Variants in E2F3 observed in about 807,000 individuals in gnomAD.
E2F3 encodes transcription factor E2F3.
E2F3 carries 11 observed loss-of-function variants against 44.4 expected under a neutral mutation model. That is an observed-to-expected ratio of 0.25 (90% CI 0.16 to 0.41). E2F3 has a LOEUF of 0.41. E2F3 is among the 10% of genes least tolerant of loss of function. E2F3 has a pLI of 1.00. For missense variants in E2F3, 487 were observed against 583.6 expected, an observed-to-expected ratio of 0.83 and a Z score of 1.70; for synonymous variants, 249 against 253.0, an observed-to-expected ratio of 0.98 and a Z score of 0.15.
At chr6:20,427,990 C>T (rs979741819) in intron 1 of E2F3, among the ~76,000 whole-genome samples, 10 of 152,098 alleles carry the variant, frequency 6.6e-5, no homozygotes, top group Middle Eastern at 3.2e-3. Context: ...TCTCCTGCAA[C>T]GATTCAGTGA....
At chr6:20,470,991 A>G (rs1267402128) in intron 1 of E2F3, among the ~76,000 whole-genome samples, 1 of 152,232 alleles carries the variant, frequency 6.6e-6, no homozygotes, top group Non-Finnish European at 1.5e-5. Context: ...TTGTTATGCA[A>G]GTAACCCACG....
At chr6:20,419,554 T>TTTAC (rs35232215) in intron 1 of E2F3, among the ~76,000 whole-genome samples, 57 of 137,988 alleles carry the variant, frequency 4.1e-4, no homozygotes, top group East Asian at 5.9e-4. Flanking sequence ...TATTTATTTA[T>TTTAC]TTACTTACTT....
intron 1 of E2F3, among the ~76,000 whole-genome samples, chr6:20,437,337 C>T (rs1760621190): frequency 6.6e-6 from 1 of 152,142 alleles, no homozygotes; most frequent in Non-Finnish European, 1.5e-5. Flanking sequence ...GGCTATTATT[C>T]TGGTTTCCAA....
rs745516477 is a variant in E2F3, at chr6:20,490,117, C to T, written c.1136-51C>T. 2 of 1,513,960 alleles carry T rather than the reference C, an allele frequency of 1.3e-6. No individual in the cohort carries two copies. Among genetic ancestry groups the T allele is most frequent in the Non-Finnish European group, 1.8e-6 (2 of 1,127,174 alleles). 93.8% of individuals were successfully genotyped at this position (1,513,960 alleles called of 1,614,324 possible). A position where few individuals can be genotyped will look rare whatever the true frequency, so the allele number is the denominator to read the frequency against. On this transcript the variant is annotated intron_variant, in intron 6 of 6. Transcript: ENST00000346618. The surrounding 1 kb of genome is among the most constrained non-coding windows in gnomAD (Gnocchi z 4.3). ...ACATATACATTCTTCCAGAAAAATT[C>T]ATTTGATTTTTCTAACTTATTTTTT... is the stretch of plus-strand genomic sequence containing the variant.
At chr6:20,430,512 A>G (rs1217709019) in intron 1 of E2F3, among the ~76,000 whole-genome samples, 2 of 152,236 alleles carry the variant, frequency 1.3e-5, no homozygotes, top group Admixed American at 1.3e-4. Flanking sequence ...CCATAAGCAC[A>G]TTTATTGGTC....
At chr6:20,454,856 G>C (rs922370846) in intron 1 of E2F3, among the ~76,000 whole-genome samples, 11 of 152,160 alleles carry the variant, frequency 7.2e-5, no homozygotes, top group African/African-American at 2.2e-4. Flanking sequence ...CCAGGGTTCA[G>C]CTCAGAGCAG....
Position 20,479,901 on chromosome 6 carries a change from T to C in E2F3, c.449T>C (p.Leu150Ser), listed in dbSNP as rs753899220. The change falls in exon 2 of 7, where the codon TTA (leucine) becomes TCA (serine). Residue 150 changes from leucine (L) to serine (S), a missense_variant. Physicochemically the swap from Leu to Ser is moderately radical, Grantham distance 145. Coordinates refer to ENST00000346618, the MANE Select transcript of E2F3 (RefSeq NM_001949.5). ...GGTCATCAGTACCTCTCAGATGGTTTAAAAACCCCCAAGGGCAAAGGAAGA... is the reference window on the plus strand; with the variant it reads ...GGTCATCAGTACCTCTCAGATGGTTCAAAAACCCCCAAGGGCAAAGGAAGA... ...ESGHQYLSDG[L>S]KTPKGKGRAA... 5 of 1,613,022 alleles carry C rather than the reference T, an allele frequency of 3.1e-6. No individual in the cohort carries two copies. Among genetic ancestry groups the C allele is most frequent in the Non-Finnish European group, 4.2e-6 (5 of 1,179,582 alleles).
intron 1 of E2F3, among the ~76,000 whole-genome samples, chr6:20,441,731 T>C (rs1457352934): frequency 1.3e-5 from 2 of 150,412 alleles, no homozygotes; most frequent in Non-Finnish European, 3.0e-5. Flanking sequence ...GGTAATTTTT[T>C]TTTTTTTTTT....
intron 1 of E2F3, among the ~76,000 whole-genome samples, chr6:20,431,834 C>T (rs142244442): frequency 7.3e-4 from 111 of 152,354 alleles, no homozygotes; most frequent in African/African-American, 2.5e-3. Flanking sequence ...GAAAGTACCA[C>T]AGACTGGGTG....
At chr6:20,437,533 G>A (rs1371347135) in intron 1 of E2F3, among the ~76,000 whole-genome samples, 1 of 151,462 alleles carries the variant, frequency 6.6e-6, no homozygotes, top group African/African-American at 2.4e-5. Context: ...ATATTAAAAT[G>A]TAGTGAATAT....
intron 1 of E2F3, among the ~76,000 whole-genome samples, chr6:20,464,788 C>G (rs1289704369): frequency 1.3e-5 from 2 of 152,116 alleles, no homozygotes; most frequent in Non-Finnish European, 2.9e-5. Flanking sequence ...TCAAATATAC[C>G]ACCTCTCTCT....
intron 4 of E2F3, 53 bp from the exon 5 acceptor site, chr6:20,486,636 C>T: frequency 1.0e-6 from 1 of 991,936 alleles, no homozygotes; most frequent in Non-Finnish European, 1.6e-6. Context: ...TTGTCATTTT[C>T]ATCATACTTA....
At chr6:20,481,548 TTC>T in intron 3 of E2F3, 123 bp downstream of exon 3, 1 of 785,040 alleles carries the variant, frequency 1.3e-6, no homozygotes, top group Non-Finnish European at 2.0e-6. Flanking sequence ...TACTGTTTTC[TTC>T]TCTCTCATTC....
intron 1 of E2F3, among the ~76,000 whole-genome samples, chr6:20,422,814 T>G (rs532092651): frequency 8.5e-5 from 13 of 152,296 alleles, no homozygotes; most frequent in Non-Finnish European, 1.9e-4. Context: ...TTTAGTGACA[T>G]TAGTAATTGC....
At chr6:20,439,703 T>A (rs1290378312) in intron 1 of E2F3, among the ~76,000 whole-genome samples, 3 of 152,140 alleles carry the variant, frequency 2.0e-5, no homozygotes, top group South Asian at 2.1e-4. Context: ...GCTAATTTTT[T>A]AAATTTCTTT....
chr6:20,410,238 G>A (rs1395721998), intron 1 of E2F3, among the ~76,000 whole-genome samples: 1 of 152,118 alleles, frequency 6.6e-6, no homozygotes, highest in Admixed American at 6.5e-5. Context: ...TTCTGCATCT[G>A]GCAGTCCCTT....
chr6:20,481,059 C>A, intron 2 of E2F3, 147 bp from the exon 3 acceptor site: 1 of 716,956 alleles, frequency 1.4e-6, no homozygotes, highest in Non-Finnish European at 2.3e-6. Context: ...CTATGACTTG[C>A]CAACACCAAC....
chr6:20,487,518 A>G (rs1762429292), intron 5 of E2F3, among the ~76,000 whole-genome samples: 1 of 152,216 alleles, frequency 6.6e-6, no homozygotes, highest in Admixed American at 6.5e-5. Flanking sequence ...TCATCAGTAT[A>G]CAGTTCAACA....
At chr6:20,439,599 A>G (rs1470811522) in intron 1 of E2F3, among the ~76,000 whole-genome samples, 2 of 152,172 alleles carry the variant, frequency 1.3e-5, no homozygotes, top group South Asian at 2.1e-4. Context: ...TGGCGTGATC[A>G]TAGCTCACTG....
Sources: gnomAD v4.1 joint callset for allele counts (sites outside exome capture counted in the v4.1 genomes callset) on GRCh38, gnomAD v4.1.1 for gene constraint, Gnocchi (gnomAD v3.1) non-coding constraint, MANE v1.5 for transcripts, NCBI Gene and HGNC (gene_info 2026-07-23, HGNC 2026-07-21) for gene names.